DTNBP1: variants seen among roughly 807,000 people sequenced by gnomAD.
The protein encoded by DTNBP1 is dystrobrevin binding protein 1.
A neutral mutation model predicts 42.8 loss-of-function variants in DTNBP1; 35 were observed. The observed-to-expected ratio is 0.82, with a 90% CI of 0.63 to 1.09. The LOEUF (loss-of-function observed/expected upper bound fraction) is 1.09, where lower values mean the gene tolerates loss of function less well. Ranked by LOEUF, DTNBP1 falls within the 50% of genes least tolerant of loss-of-function variation. DTNBP1 has a pLI of 0.00. For synonymous variants in DTNBP1, 171 were observed against 162.2 expected (o/e 1.05, Z -0.41); for missense variants, 457 against 424.2 (o/e 1.08, Z -0.68).
In DTNBP1 at chr6:15,617,486, T is replaced by C. The variant is rs201646498; in HGVS notation, c.356-2087A>G. Among the ~76,000 whole-genome samples, 5 of 151,756 alleles carry C rather than the reference T, an allele frequency of 3.3e-5. No individual in the cohort carries two copies. In the East Asian group the frequency reaches 7.7e-4, roughly 23 times the overall value. On this transcript the variant is annotated intron_variant, in intron 5 of 9. Transcript: ENST00000344537. Reference sequence around the variant, plus strand: ...CTTCAAAATATACTACAAAAAGCTATAGTAACCAAAACAGCATGATGCTAG... The same window carrying C: ...CTTCAAAATATACTACAAAAAGCTACAGTAACCAAAACAGCATGATGCTAG...
intron 1 of DTNBP1, chr6:15,660,595 T>G: frequency 7.9e-7 from 1 of 1,268,224 alleles, no homozygotes; most frequent in Non-Finnish European, 1.0e-6. Context: ...GGCCCCAGAC[T>G]ACGGCATCTT....
At chr6:15,639,268 T>C (rs1397897575) in intron 3 of DTNBP1, among the ~76,000 whole-genome samples, 10 of 152,222 alleles carry the variant, frequency 6.6e-5, no homozygotes, top group Non-Finnish European at 8.8e-5. Context: ...AAATTGCTTG[T>C]TCTATTTTTG....
intron 7 of DTNBP1, among the ~76,000 whole-genome samples, chr6:15,534,111 A>G (rs951336039): frequency 6.6e-6 from 1 of 152,192 alleles, no homozygotes; most frequent in Non-Finnish European, 1.5e-5. Context: ...GCTTCCACTC[A>G]TATGAGGTAC....
chr6:15,641,404 A>T (rs1760343216), intron 3 of DTNBP1, among the ~76,000 whole-genome samples: 1 of 151,986 alleles, frequency 6.6e-6, no homozygotes, highest in African/African-American at 2.4e-5. Context: ...AAGCAGCAAG[A>T]CTCTGGCAGA....
chr6:15,546,355 G>A (rs1164336409), intron 7 of DTNBP1, among the ~76,000 whole-genome samples: 15 of 152,002 alleles, frequency 9.9e-5, no homozygotes, highest in Middle Eastern at 6.8e-3. Flanking sequence ...GTGAGCCACC[G>A]CGCCTGGCCC....
intron 7 of DTNBP1, among the ~76,000 whole-genome samples, chr6:15,558,530 G>A (rs1005275150): frequency 6.6e-6 from 1 of 152,104 alleles, no homozygotes; most frequent in Non-Finnish European, 1.5e-5. Context: ...GCCTCCCAAA[G>A]TGCTGGGATT....
At chr6:15,535,932 GCTT>G (rs1202807477) in intron 7 of DTNBP1, among the ~76,000 whole-genome samples, 4 of 152,212 alleles carry the variant, frequency 2.6e-5, no homozygotes, top group African/African-American at 9.6e-5. Context: ...CTCATGCTAT[GCTT>G]TAGCAGACTG....
intron 7 of DTNBP1, among the ~76,000 whole-genome samples, chr6:15,575,626 A>G (rs973392646): frequency 2.6e-5 from 4 of 152,224 alleles, no homozygotes; most frequent in Non-Finnish European, 4.4e-5. Context: ...TCAGTGTGAC[A>G]TATGTTTTCT....
chr6:15,623,924 G>A (rs1759188045), intron 5 of DTNBP1, among the ~76,000 whole-genome samples: 1 of 152,146 alleles, frequency 6.6e-6, no homozygotes, highest in Non-Finnish European at 1.5e-5. Flanking sequence ...AAACTGTTTT[G>A]CAGCACAAGC....
chr6:15,646,287 A>G (rs1292553201), intron 3 of DTNBP1, among the ~76,000 whole-genome samples: 1 of 151,226 alleles, frequency 6.6e-6, no homozygotes, highest in Non-Finnish European at 1.5e-5. Context: ...ACACACACAC[A>G]TATACAATAC....
At chr6:15,531,725 C>T (rs1002986641) in intron 8 of DTNBP1, among the ~76,000 whole-genome samples, 1 of 152,180 alleles carries the variant, frequency 6.6e-6, no homozygotes, top group Non-Finnish European at 1.5e-5. Context: ...CCTCTGCCTC[C>T]CGGGTTCAAG....
chr6:15,567,097 A>G (rs1325964114), intron 7 of DTNBP1, among the ~76,000 whole-genome samples: 1 of 152,146 alleles, frequency 6.6e-6, no homozygotes, highest in Non-Finnish European at 1.5e-5. Context: ...AAATGGAAAC[A>G]TTTGCCATCT....
At chr6:15,593,157 A>AT in intron 6 of DTNBP1, 76 bp from the exon 7 acceptor site, 1 of 1,339,844 alleles carries the variant, frequency 7.5e-7, no homozygotes, top group Non-Finnish European at 1.0e-6. Flanking sequence ...TTCCATCATA[A>AT]TAAAAACTTA....
intron 7 of DTNBP1, chr6:15,545,957 T>G (rs563479536): frequency 5.0e-6 from 2 of 400,116 alleles, no homozygotes; most frequent in Non-Finnish European, 4.9e-6. Flanking sequence ...GGCAGGCGGG[T>G]CTCAGCACAC....
chr6:15,649,578 T>C (rs898311795), intron 3 of DTNBP1, among the ~76,000 whole-genome samples: 5 of 152,182 alleles, frequency 3.3e-5, no homozygotes, highest in African/African-American at 4.8e-5. Context: ...TTTTTGGGAT[T>C]GGATGCACAA....
intron 7 of DTNBP1, among the ~76,000 whole-genome samples, chr6:15,555,272 T>C (rs1774446517): frequency 6.6e-6 from 1 of 151,482 alleles, no homozygotes; most frequent in African/African-American, 2.4e-5. Context: ...ATTTAGGATG[T>C]TAAGAATCTA....
At chr6:15,606,028 G>T (rs561983735) in intron 6 of DTNBP1, among the ~76,000 whole-genome samples, 16 of 152,318 alleles carry the variant, frequency 1.1e-4, no homozygotes, top group Non-Finnish European at 1.3e-4. Flanking sequence ...GTCTTAGATG[G>T]CACTTTTCTC....
Position 15,604,451 on chromosome 6 carries a change from C to T in DTNBP1, c.488+10816G>A, listed in dbSNP as rs1271177458. On this transcript the variant is annotated intron_variant, in intron 6 of 9. Transcript: ENST00000344537. The stretch of plus-strand genomic sequence containing the variant: ...TGGTTCCAGAAGAACCAAAAGAGAT[C>T]GTTTTTGGATCTTTACCCTGGAGAA... 3.3e-5 allele frequency among the ~76,000 whole-genome samples: 5 copies of T among 152,166 alleles called. No individual in the cohort carries two copies. The East Asian group carries it at 9.7e-4, about 30-fold the overall frequency.
intron 9 of DTNBP1, chr6:15,524,307 G>A (rs1772186448): frequency 6.2e-7 from 1 of 1,610,714 alleles, no homozygotes; most frequent in Non-Finnish European, 8.5e-7. Flanking sequence ...TACCGGAGTG[G>A]AGCATGTCAA....
Sources: allele counts gnomAD v4.1 joint callset (sites outside exome capture counted in the v4.1 genomes callset), GRCh38; gene constraint gnomAD v4.1.1; transcripts MANE v1.5; gene names NCBI Gene and HGNC (gene_info 2026-07-23, HGNC 2026-07-21).